Variants in SLCO3A1 observed in about 807,000 individuals in gnomAD.
SLCO3A1 encodes PGE1 transporter.
A neutral mutation model predicts 63.1 loss-of-function variants in SLCO3A1; 27 were observed. The observed-to-expected ratio is 0.43, with a 90% confidence interval of 0.32 to 0.59. The LOEUF (loss-of-function observed/expected upper bound fraction) is 0.59. SLCO3A1 is among the 20% of genes least tolerant of loss of function. The pLI is 0.09. For synonymous variants in SLCO3A1, 473 were observed against 409.9 expected (o/e 1.15, Z -1.86); for missense variants, 773 against 945.8 (o/e 0.82, Z 2.40).
intron 4 of SLCO3A1, among the ~76,000 whole-genome samples, chr15:92,115,369 A>G (rs1225321505): frequency 2.0e-5 from 3 of 152,072 alleles, no homozygotes; most frequent in African/African-American, 7.2e-5. Flanking sequence ...TAGCTCACCA[A>G]GCAGCGCACA....
intron 2 of SLCO3A1, among the ~76,000 whole-genome samples, chr15:92,027,139 T>TGATAGAA (rs2046584935): frequency 6.6e-6 from 1 of 151,754 alleles, no homozygotes; most frequent in Non-Finnish European, 1.5e-5. Flanking sequence ...TGGTGAGCTT[T>TGATAGAA]GATAGAAGAT....
chr15:92,139,782 C>G (rs978306503), intron 7 of SLCO3A1, among the ~76,000 whole-genome samples: 1 of 151,460 alleles, frequency 6.6e-6, no homozygotes, highest in Non-Finnish European at 1.5e-5. Flanking sequence ...TTGTAGTATT[C>G]TCTGATGGTA....
intron 2 of SLCO3A1, among the ~76,000 whole-genome samples, chr15:92,054,083 A>G (rs1447253110): frequency 6.6e-6 from 1 of 152,124 alleles, no homozygotes; most frequent in African/African-American, 2.4e-5. Flanking sequence ...CTATATTTTG[A>G]TTTACAATCC....
At chr15:92,063,255 G>A (rs891919100) in intron 2 of SLCO3A1, among the ~76,000 whole-genome samples, 1 of 152,148 alleles carries the variant, frequency 6.6e-6, no homozygotes, top group Non-Finnish European at 1.5e-5. Flanking sequence ...GATGCTGATC[G>A]GGACCCCTTG....
At chr15:91,913,131 C>T (rs1480917575) in intron 1 of SLCO3A1, among the ~76,000 whole-genome samples, 3 of 152,206 alleles carry the variant, frequency 2.0e-5, no homozygotes, top group Non-Finnish European at 2.9e-5. Context: ...TTCTGAACAG[C>T]GGCAAACACC....
At chr15:91,984,040 C>A (rs2046019809) in intron 2 of SLCO3A1, among the ~76,000 whole-genome samples, 1 of 152,124 alleles carries the variant, frequency 6.6e-6, no homozygotes, top group African/African-American at 2.4e-5. Context: ...TACCTCTGAC[C>A]CTCCCCAACC....
intron 8 of SLCO3A1, 23 bp from the exon 9 acceptor site, chr15:92,150,927 T>C (rs201260795): frequency 9.5e-6 from 15 of 1,583,530 alleles, no homozygotes; most frequent in Non-Finnish European, 5.1e-6. Flanking sequence ...GTTTTTTTTT[T>C]CTCTTCATCT....
chr15:91,939,642 C>T (rs780788910), intron 2 of SLCO3A1, among the ~76,000 whole-genome samples: 2 of 152,142 alleles, frequency 1.3e-5, no homozygotes, highest in Admixed American at 6.5e-5. Flanking sequence ...GGTCAGCAGG[C>T]AGTGACAGAG....
In SLCO3A1 at chr15:91,885,487, CA is replaced by C. The variant is rs1449476058; in HGVS notation, c.181-30503del. Among the ~76,000 whole-genome samples, 12 of 152,204 alleles carry C rather than the reference CA, an allele frequency of 7.9e-5. No homozygotes were observed. The highest frequency in any genetic ancestry group is 2.1e-4 in the South Asian group (1 of 4,832). On this transcript the variant is annotated intron_variant, in intron 1 of 9. Coordinates refer to ENST00000318445, the MANE Select transcript of SLCO3A1 (RefSeq NM_013272.4). The surrounding 1 kb of genome is among the most constrained non-coding windows in gnomAD (Gnocchi z 4.7). ...CCAGCAGCCAAACTCCAGCATGTCA[CA>C]AATCATACATTACAGGAAAAGGGAG...
rs952034394 is a variant in SLCO3A1 at position 91,860,022 on chromosome 15, G to C, written c.180+5934G>C. Among the ~76,000 whole-genome samples, 2 of 152,126 alleles carry C rather than the reference G, an allele frequency of 1.3e-5. No individual in the cohort carries two copies. The highest frequency in any genetic ancestry group is 4.8e-5 in the African/African-American group (2 of 41,418). On this transcript the variant is annotated intron_variant, in intron 1 of 9. Coordinates refer to ENST00000318445, the MANE Select transcript of SLCO3A1 (RefSeq NM_013272.4). This position sits in a 1 kb window ranked among gnomAD's most constrained non-coding sequence, Gnocchi z 5.5. ...TTCTGTTTATTCCCTTATAAATATA[G>C]CAATCCATTTCATCTTAAAGATGCT...
At chr15:92,008,662 C>A (rs2046338138) in intron 2 of SLCO3A1, among the ~76,000 whole-genome samples, 1 of 152,110 alleles carries the variant, frequency 6.6e-6, no homozygotes, top group African/African-American at 2.4e-5. Flanking sequence ...CTTGGTAGAA[C>A]ATAAGGGTTT....
chr15:91,965,072 C>G (rs947409268), intron 2 of SLCO3A1, among the ~76,000 whole-genome samples: 1 of 152,122 alleles, frequency 6.6e-6, no homozygotes, highest in Admixed American at 6.6e-5. Context: ...CAAACATACC[C>G]AGGGAGAGGG....
chr15:92,171,915 A>C (rs1474804574), exon 11 of SLCO3A1: 48 of 1,366,762 alleles, frequency 3.5e-5, no homozygotes, highest in Non-Finnish European at 4.4e-5. Flanking sequence ...CCACCCACAG[A>C]CCTCGCGGGC....
Position 92,164,772 on chromosome 15 carries a change from G to T in SLCO3A1, c.*1637G>T. 1.0e-6 allele frequency: 1 copy of T among 985,396 alleles called. No individual in the cohort carries two copies. The highest frequency in any genetic ancestry group is 1.2e-6 in the Non-Finnish European group (1 of 829,952). The allele number at this position is 985,396 out of a possible 1,614,324, so 61.0% of individuals were successfully genotyped here. A position where few individuals can be genotyped will look rare whatever the true frequency, so the allele number is the denominator to read the frequency against. ...AGAGAATGAACCTGTTATGATTTGG[G>T]GTAAGAATCACGTTGGAAAACCTCT... On this transcript the variant is annotated 3_prime_UTR_variant, in exon 10 of 10. Coordinates refer to ENST00000318445, the MANE Select transcript of SLCO3A1 (RefSeq NM_013272.4).
chr15:92,105,444 GAAAA>G (rs144483013), intron 4 of SLCO3A1, among the ~76,000 whole-genome samples: 1 of 151,818 alleles, frequency 6.6e-6, no homozygotes, highest in East Asian at 1.9e-4. Context: ...ATTTTTTAAA[GAAAA>G]AAAAGTGCAA....
At chr15:91,983,857 T>C (rs2046017413) in intron 2 of SLCO3A1, among the ~76,000 whole-genome samples, 1 of 152,222 alleles carries the variant, frequency 6.6e-6, no homozygotes, top group Non-Finnish European at 1.5e-5. Flanking sequence ...ATTCAACCCA[T>C]GTCACATTCC....
chr15:91,934,580 A>C (rs117950183), intron 2 of SLCO3A1, among the ~76,000 whole-genome samples: 1 of 152,236 alleles, frequency 6.6e-6, no homozygotes, highest in African/African-American at 2.4e-5. Context: ...AATTCTAGCC[A>C]TAGCAAAAAG....
intron 2 of SLCO3A1, among the ~76,000 whole-genome samples, chr15:91,966,477 A>ACTGTCC (rs1454479682): frequency 6.6e-6 from 1 of 152,184 alleles, no homozygotes; most frequent in African/African-American, 2.4e-5. Flanking sequence ...ATGCAACATC[A>ACTGTCC]CTGTCCCCAG....
Position 91,929,706 on chromosome 15 carries a change from C to A in SLCO3A1, c.646+13248C>A, listed in dbSNP as rs574704745. ...TCAACAACAACTCCCATTCCACCCC[C>A]TCTCCAGGCCCTGGCAACCACCATT... is the stretch of plus-strand genomic sequence containing the variant. On this transcript the variant is annotated intron_variant, in intron 2 of 9. Transcript: ENST00000318445. Among the ~76,000 whole-genome samples, 5 of 152,208 alleles carry A rather than the reference C, an allele frequency of 3.3e-5. No individual in the cohort carries two copies. In the East Asian group the frequency reaches 7.7e-4, roughly 24 times the overall value.
Sources: allele counts gnomAD v4.1 joint callset (sites outside exome capture counted in the v4.1 genomes callset), GRCh38; gene constraint gnomAD v4.1.1; non-coding constraint Gnocchi (gnomAD v3.1); transcripts MANE v1.5; gene names NCBI Gene and HGNC (gene_info 2026-07-23, HGNC 2026-07-21).